Variants in FMNL2 observed in about 807,000 individuals in gnomAD.
The protein encoded by FMNL2 is formin like 2.
A neutral mutation model predicts 130.2 loss-of-function variants in FMNL2; 51 were observed. The ratio of observed to expected loss-of-function variants is 0.39; its 90% CI spans 0.31 to 0.49. The LOEUF (loss-of-function observed/expected upper bound fraction) is 0.49. FMNL2 is among the 20% of genes least tolerant of loss of function. The pLI is 0.85. For missense variants in FMNL2, 977 were observed against 1,316.2 expected (o/e 0.74, Z 3.99); for synonymous variants, 465 against 467.1 (o/e 1.00, Z 0.06).
intron 1 of FMNL2, among the ~76,000 whole-genome samples, chr2:152,400,362 G>GGT (rs1158425243): frequency 6.6e-6 from 1 of 152,142 alleles, no homozygotes; most frequent in Non-Finnish European, 1.5e-5. Flanking sequence ...GAATCCAGGA[G>GGT]GTGGAGGAGG....
intron 2 of FMNL2, among the ~76,000 whole-genome samples, chr2:152,529,711 A>G (rs151013513): frequency 2.0e-5 from 3 of 152,174 alleles, no homozygotes; most frequent in Non-Finnish European, 4.4e-5. Flanking sequence ...CCTTTGGCCT[A>G]TAGCTTTCAC....
intron 1 of FMNL2, among the ~76,000 whole-genome samples, chr2:152,517,962 C>T (rs1692869925): frequency 6.6e-6 from 1 of 152,150 alleles, no homozygotes; most frequent in Non-Finnish European, 1.5e-5. Context: ...GTTAGGAAGA[C>T]TCGGAAATTG....
chr2:152,567,946 G>T (rs1391669778), intron 6 of FMNL2, among the ~76,000 whole-genome samples: 2 of 152,108 alleles, frequency 1.3e-5, no homozygotes, highest in African/African-American at 4.8e-5. Flanking sequence ...ACAAATGTTG[G>T]CATGGAAGCT....
intron 1 of FMNL2, among the ~76,000 whole-genome samples, chr2:152,408,855 A>G (rs1558837652): frequency 6.6e-6 from 1 of 152,204 alleles, no homozygotes; most frequent in African/African-American, 2.4e-5. Context: ...TTTCTACTGA[A>G]TATATATCGC....
rs115050949 is a variant in FMNL2, at chr2:152,586,847, A to T, written c.876+5798A>T. On this transcript the variant is annotated intron_variant, in intron 9 of 25. Transcript: ENST00000288670. The stretch of plus-strand genomic sequence containing the variant: ...TGCAATTTTTTGCTGTGGATACGAA[A>T]GTACCCCACACTTCATTTTTTTAGG... 8.2e-3 allele frequency among the ~76,000 whole-genome samples: 1,243 copies of T among 152,276 alleles called. 20 individuals carry two copies. Among genetic ancestry groups the T allele is most frequent in the African/African-American group, 0.028 (1,162 of 41,548 alleles).
At chr2:152,620,913 G>C in intron 15 of FMNL2, 1 of 984,734 alleles carries the variant, frequency 1.0e-6, no homozygotes, top group East Asian at 1.1e-4. Flanking sequence ...GTAAATCGGT[G>C]ACTTATTTCT....
intron 1 of FMNL2, among the ~76,000 whole-genome samples, chr2:152,441,394 C>CAGAG (rs975660061): frequency 6.6e-6 from 1 of 152,120 alleles, no homozygotes; most frequent in Admixed American, 6.6e-5. Flanking sequence ...GGAGGAAAGA[C>CAGAG]AGAGTGGTAG....
chr2:152,640,728 T>C (rs765855632), intron 24 of FMNL2, 63 bp from the exon 25 acceptor site: 87 of 1,568,038 alleles, frequency 5.5e-5, no homozygotes, highest in Non-Finnish European at 6.9e-5. Context: ...AGGCACATTT[T>C]GGATTTTCAC....
intron 1 of FMNL2, among the ~76,000 whole-genome samples, chr2:152,353,260 T>G (rs1490464510): frequency 6.6e-6 from 1 of 152,246 alleles, no homozygotes; most frequent in Non-Finnish European, 1.5e-5. Flanking sequence ...ACAACTTACT[T>G]TGGCTGAAGG....
At chr2:152,366,842 T>G (rs1016319473) in intron 1 of FMNL2, among the ~76,000 whole-genome samples, 1 of 152,100 alleles carries the variant, frequency 6.6e-6, no homozygotes, top group African/African-American at 2.4e-5. Flanking sequence ...GGTGTGTACC[T>G]GTAGTCTCAG....
intron 16 of FMNL2, 102 bp downstream of exon 16, chr2:152,625,664 TTTAA>T: frequency 7.4e-7 from 1 of 1,346,532 alleles, no homozygotes; most frequent in Non-Finnish European, 1.0e-6. Context: ...GTACTAGTGT[TTTAA>T]GTCCCCTGAT....
rs1247361559 is a variant in FMNL2 at position 152,348,875 on chromosome 2, C to G, written c.117+13155C>G. Among the ~76,000 whole-genome samples, 114 of 112,420 alleles carry G rather than the reference C, an allele frequency of 1.0e-3. 3 individuals are homozygous for G. Among genetic ancestry groups the G allele is most frequent in the South Asian group, 4.1e-3 (14 of 3,408 alleles). The allele number at this position is 112,420 out of a possible 152,430, so 73.8% of individuals were successfully genotyped here. ...CGGAGTCTCGCTCTGTCGCCCAGGC[C>G]GGACTGTGGACTGCAGTGGCACAAT... On this transcript the variant is annotated intron_variant, in intron 1 of 25. Transcript: ENST00000288670.
At chr2:152,516,334 A>G (rs1409860340) in intron 1 of FMNL2, among the ~76,000 whole-genome samples, 1 of 151,996 alleles carries the variant, frequency 6.6e-6, no homozygotes, top group East Asian at 1.9e-4. Flanking sequence ...TAAAGTAATG[A>G]CTCCTTCTTT....
intron 1 of FMNL2, among the ~76,000 whole-genome samples, chr2:152,377,962 A>C (rs2105886098): frequency 6.6e-6 from 1 of 152,186 alleles, no homozygotes. Context: ...GAACACAAAA[A>C]TTAGCCAGGC....
intron 11 of FMNL2, among the ~76,000 whole-genome samples, chr2:152,613,996 T>C (rs1265627903): frequency 6.6e-6 from 1 of 152,220 alleles, no homozygotes; most frequent in Non-Finnish European, 1.5e-5. Context: ...TGCTGTATAC[T>C]GACTTAGGGA....
At chr2:152,446,099 A>G (rs187257366) in intron 1 of FMNL2, among the ~76,000 whole-genome samples, 9 of 152,308 alleles carry the variant, frequency 5.9e-5, no homozygotes, top group South Asian at 4.1e-4. Context: ...TGTGTGGCGC[A>G]TGTAGGCTGT....
chr2:152,478,212 A>G (rs1358989124), intron 1 of FMNL2, among the ~76,000 whole-genome samples: 4 of 145,806 alleles, frequency 2.7e-5, no homozygotes, highest in Non-Finnish European at 6.0e-5. Context: ...TATACTTAAT[A>G]TACGTATACA....
chr2:152,552,414 G>C (rs923769675), intron 4 of FMNL2, among the ~76,000 whole-genome samples: 1 of 152,102 alleles, frequency 6.6e-6, no homozygotes, highest in African/African-American at 2.4e-5. Context: ...AAAAAGGAGG[G>C]ATTACATTTA....
intron 1 of FMNL2, among the ~76,000 whole-genome samples, chr2:152,467,317 G>A (rs2105160501): frequency 6.6e-6 from 1 of 152,194 alleles, no homozygotes; most frequent in Non-Finnish European, 1.5e-5. Flanking sequence ...CATTCCTTTG[G>A]CAAACTGAAA....
Sources: allele counts gnomAD v4.1 joint callset (sites outside exome capture counted in the v4.1 genomes callset), GRCh38; gene constraint gnomAD v4.1.1; transcripts MANE v1.5; gene names NCBI Gene and HGNC (gene_info 2026-07-23, HGNC 2026-07-21).